Variants in ARHGEF4 observed in about 807,000 individuals in gnomAD.
The protein encoded by ARHGEF4 is Rho guanine nucleotide exchange factor 4.
In ARHGEF4, 119 loss-of-function variants were observed where a neutral mutation model predicts 162.0. The observed-to-expected ratio is 0.73, with a 90% CI of 0.63 to 0.86. The LOEUF is 0.86. ARHGEF4 is among the 40% of genes least tolerant of loss of function. The pLI is 0.00. For synonymous variants in ARHGEF4, 1,014 were observed against 979.9 expected (o/e 1.03, Z -0.65); for missense variants, 2,488 against 2,456.0 (o/e 1.01, Z -0.28).
Position 130,964,794 on chromosome 2 carries a change from C to G in ARHGEF4, c.3985+18159C>G, listed in dbSNP as rs956870488. 2.0e-5 allele frequency among the ~76,000 whole-genome samples: 3 copies of G among 152,210 alleles called. No homozygotes were observed. The South Asian group carries it at 6.2e-4, about 31-fold the overall frequency. On this transcript the variant is annotated intron_variant, in intron 4 of 13. Transcript: ENST00000409359. ...CTGGACCCCTCTGAACAAGACTGCGCTTTACCGACCTGGCATTGCTCTGGT... is the reference window on the plus strand; with the variant it reads ...CTGGACCCCTCTGAACAAGACTGCGGTTTACCGACCTGGCATTGCTCTGGT...
At position 131,036,939 on chromosome 2, in the gene ARHGEF4, G is replaced by A. The variant is rs536485482; in HGVS notation, c.4126-1914G>A. 5.3e-5 allele frequency among the ~76,000 whole-genome samples: 8 copies of A among 152,264 alleles called. No homozygotes were observed. The South Asian group carries it at 1.0e-3, about 20-fold the overall frequency. ...GTGAGCCAGCTCCCCACTGTGGCTG[G>A]TGGGCTCCTACCATATGGTCGCCTG... On this transcript the variant is annotated intron_variant, in intron 5 of 13. Transcript: ENST00000409359.
intron 4 of ARHGEF4, among the ~76,000 whole-genome samples, chr2:131,019,334 C>T (rs1032876922): frequency 6.6e-6 from 1 of 151,986 alleles, no homozygotes; most frequent in Non-Finnish European, 1.5e-5. Context: ...ATCGCTTGAA[C>T]CCGGGAGGCG....
chr2:131,006,971 T>G (rs1360041301), intron 4 of ARHGEF4, among the ~76,000 whole-genome samples: 1 of 152,194 alleles, frequency 6.6e-6, no homozygotes. Context: ...ACCCTGTGGC[T>G]TAAGATTGAG....
intron 1 of ARHGEF4, among the ~76,000 whole-genome samples, chr2:130,881,199 T>C (rs775626469): frequency 9.2e-5 from 14 of 152,078 alleles, no homozygotes; most frequent in Non-Finnish European, 1.5e-4. Flanking sequence ...GGCTAATTTT[T>C]GTATCTTTAG....
intron 2 of ARHGEF4, among the ~76,000 whole-genome samples, chr2:130,918,554 G>T (rs1283589376): frequency 2.6e-5 from 4 of 152,216 alleles, no homozygotes; most frequent in Non-Finnish European, 5.9e-5. Flanking sequence ...CCTCTCGGGC[G>T]CTCCCCTCCG....
intron 1 of ARHGEF4, among the ~76,000 whole-genome samples, chr2:130,889,009 G>C (rs2104982373): frequency 6.6e-6 from 1 of 151,898 alleles, no homozygotes; most frequent in Non-Finnish European, 1.5e-5. Flanking sequence ...GGAGGCTGAG[G>C]CTGGAGAAGT....
At chr2:130,902,300 C>A (rs1680529328) in intron 1 of ARHGEF4, among the ~76,000 whole-genome samples, 2 of 147,972 alleles carry the variant, frequency 1.4e-5, no homozygotes, top group South Asian at 4.6e-4. Flanking sequence ...TTCTCTGGTT[C>A]CCAGGCCAGG....
At chr2:130,865,943 G>A (rs1006978554) in intron 1 of ARHGEF4, among the ~76,000 whole-genome samples, 2 of 152,186 alleles carry the variant, frequency 1.3e-5, no homozygotes, top group African/African-American at 4.8e-5. Flanking sequence ...ATGCATGTCA[G>A]TTGAGGCATT....
At chr2:130,843,948 A>AT (rs1680774769) in intron 1 of ARHGEF4, among the ~76,000 whole-genome samples, 1 of 152,014 alleles carries the variant, frequency 6.6e-6, no homozygotes, top group Admixed American at 6.5e-5. Flanking sequence ...CTCTCCAGGT[A>AT]TGGGCTGGGC....
chr2:130,931,636 CA>C (rs1378445939), intron 3 of ARHGEF4, among the ~76,000 whole-genome samples: 86 of 152,334 alleles, frequency 5.6e-4, no homozygotes, highest in African/African-American at 1.9e-3. Flanking sequence ...CACAGAGGCA[CA>C]GAACATTTCA....
At chr2:130,911,382 AC>A (rs1281712069) in intron 1 of ARHGEF4, among the ~76,000 whole-genome samples, 3 of 152,004 alleles carry the variant, frequency 2.0e-5, no homozygotes, top group Non-Finnish European at 2.9e-5. Context: ...CCCTGTAAAA[AC>A]CCTGAGCCTC....
At chr2:130,953,717 AC>A (rs1207943042) in intron 4 of ARHGEF4, among the ~76,000 whole-genome samples, 2 of 152,242 alleles carry the variant, frequency 1.3e-5, no homozygotes, top group African/African-American at 4.8e-5. Flanking sequence ...CAAGAAAAAA[AC>A]AACCCTGTCA....
Position 131,046,315 on chromosome 2 carries a change from C to T in ARHGEF4, c.*126C>T. The T allele has an allele frequency of 1.0e-6, 1 of 1,002,226 alleles. No individual in the cohort carries two copies. 62.1% of individuals were successfully genotyped at this position (1,002,226 alleles called of 1,614,324 possible). A position where few individuals can be genotyped will look rare whatever the true frequency, so the allele number is the denominator to read the frequency against. The stretch of plus-strand genomic sequence containing the variant: ...TGAGCAGGGATGGGCTGGGGAGTTG[C>T]TTGTGCCACCAAGACGTGCCAGGTC... On this transcript the variant is annotated 3_prime_UTR_variant, in exon 14 of 14. Coordinates refer to ENST00000409359, the MANE Select transcript of ARHGEF4 (RefSeq NM_001367493.1).
intron 5 of ARHGEF4, chr2:131,035,802 C>T (rs1573682380): frequency 2.0e-6 from 2 of 985,350 alleles, no homozygotes; most frequent in South Asian, 4.7e-5. Flanking sequence ...GCACAAACTG[C>T]GGGTGTTCAC....
At chr2:131,044,195 C>A in intron 11 of ARHGEF4, 104 bp from the exon 12 acceptor site, 1 of 1,490,926 alleles carries the variant, frequency 6.7e-7, no homozygotes, top group South Asian at 1.3e-5. Context: ...GAGGTGGAGG[C>A]ATCACCAGCA....
chr2:130,909,328 G>A (rs540105261), intron 1 of ARHGEF4, among the ~76,000 whole-genome samples: 82 of 152,296 alleles, frequency 5.4e-4, no homozygotes, highest in African/African-American at 1.5e-3. Context: ...TGGAACACGG[G>A]TCAGCAATAG....
chr2:131,037,243 G>A lies in ARHGEF4; in HGVS notation c.4126-1610G>A, dbSNP rs116768321. On this transcript the variant is annotated intron_variant, in intron 5 of 13. Coordinates refer to ENST00000409359, the MANE Select transcript of ARHGEF4 (RefSeq NM_001367493.1). ...GGACTGGAGCAGGTTTTACCCCCAG[G>A]AAAGAGAAGGTTTGTCCTTCCCTGA... Among the ~76,000 whole-genome samples the A allele has an allele frequency of 4.7e-3, 721 of 152,276 alleles. 3 individuals are homozygous for A. The highest frequency in any genetic ancestry group is 0.016 in the African/African-American group (685 of 41,550).
At chr2:130,920,351 A>G in intron 2 of ARHGEF4, among the ~76,000 whole-genome samples, 1 of 152,196 alleles carries the variant, frequency 6.6e-6, no homozygotes, top group East Asian at 1.9e-4. Flanking sequence ...AACAAATAGT[A>G]AGTGAGATGA....
intron 4 of ARHGEF4, among the ~76,000 whole-genome samples, chr2:130,962,152 T>C (rs1216087046): frequency 6.7e-6 from 1 of 150,178 alleles, no homozygotes; most frequent in Non-Finnish European, 1.5e-5. Flanking sequence ...GGCAGGAGAA[T>C]CGCTTAAACC....
Sources: allele counts gnomAD v4.1 joint callset (sites outside exome capture counted in the v4.1 genomes callset), GRCh38; gene constraint gnomAD v4.1.1; transcripts MANE v1.5; gene names NCBI Gene and HGNC (gene_info 2026-07-23, HGNC 2026-07-21).